The following CDH19 variants were observed in gnomAD, a reference collection of about 807,000 sequenced individuals.
CDH19 encodes cadherin-19.
In CDH19, 67 loss-of-function variants were observed where a neutral mutation model predicts 64.2. That is an observed-to-expected ratio of 1.04 (90% confidence interval 0.86 to 1.28). The LOEUF (loss-of-function observed/expected upper bound fraction) is 1.28. CDH19 is among the 50% of genes most tolerant of loss of function. The probability of loss-of-function intolerance (pLI) is 0.00; values close to 1 mark genes in which losing one functional copy is unlikely to be tolerated. For missense variants in CDH19, 1,030 were observed against 929.0 expected, an observed-to-expected ratio of 1.11 and a Z score of -1.41; for synonymous variants, 346 against 319.3, an observed-to-expected ratio of 1.08 and a Z score of -0.89.
intron 9 of CDH19, among the ~76,000 whole-genome samples, chr18:66,528,848 T>TTGATAA (rs138109388): frequency 0.014 from 2,184 of 152,106 alleles, 48 homozygotes; most frequent in African/African-American, 0.05. Flanking sequence ...ACTAGCTTTG[T>TTGATAA]TGATAAATTC....
chr18:66,529,054 A>G (rs969312393), intron 9 of CDH19, among the ~76,000 whole-genome samples: 9 of 152,058 alleles, frequency 5.9e-5, no homozygotes, highest in African/African-American at 2.2e-4. Flanking sequence ...AGAAGTACAC[A>G]AATAACATTC....
chr18:66,510,683 A>AGATTT (rs1482560991), intron 10 of CDH19, among the ~76,000 whole-genome samples: 1 of 150,628 alleles, frequency 6.6e-6, no homozygotes, highest in East Asian at 1.9e-4. Flanking sequence ...TGTGGAAAGG[A>AGATTT]GTCTGGAGAT....
intron 3 of CDH19, among the ~76,000 whole-genome samples, chr18:66,560,216 T>C (rs2144543499): frequency 6.6e-6 from 1 of 152,224 alleles, no homozygotes; most frequent in Admixed American, 6.5e-5. Flanking sequence ...ACAATAATAT[T>C]TGCCCTGGAG....
At chr18:66,573,440 G>A (rs1410822542) in intron 1 of CDH19, among the ~76,000 whole-genome samples, 1 of 151,536 alleles carries the variant, frequency 6.6e-6, no homozygotes, top group Non-Finnish European at 1.5e-5. Flanking sequence ...CTCCCTTTAA[G>A]CAGATGTATT....
chr18:66,556,186 A>G (rs1444662901), intron 3 of CDH19, among the ~76,000 whole-genome samples: 3 of 151,620 alleles, frequency 2.0e-5, no homozygotes, highest in African/African-American at 7.2e-5. Flanking sequence ...GGTATGCAAC[A>G]TGTTATGCAT....
intron 8 of CDH19, among the ~76,000 whole-genome samples, chr18:66,534,665 A>G (rs1248570048): frequency 6.6e-6 from 1 of 151,910 alleles, no homozygotes; most frequent in Admixed American, 6.6e-5. Flanking sequence ...AATCAGAAAA[A>G]TTTACAACCC....
chr18:66,534,185 T>C (rs1218695225), intron 8 of CDH19, among the ~76,000 whole-genome samples: 2 of 152,046 alleles, frequency 1.3e-5, no homozygotes, highest in African/African-American at 2.4e-5. Context: ...CGAGAAGCCT[T>C]GACATTTCCT....
chr18:66,551,867 G>T (rs1023052695), intron 4 of CDH19, among the ~76,000 whole-genome samples: 2 of 151,796 alleles, frequency 1.3e-5, no homozygotes, highest in Admixed American at 6.6e-5. Context: ...TCACTGAAAA[G>T]AACCTAAGAA....
At chr18:66,602,836 A>G (rs1053953239) in intron 1 of CDH19, among the ~76,000 whole-genome samples, 1 of 151,786 alleles carries the variant, frequency 6.6e-6, no homozygotes, top group Non-Finnish European at 1.5e-5. Flanking sequence ...TAGTTATTTT[A>G]TTTGGTCAAT....
At chr18:66,533,885 G>T (rs533431383) in intron 8 of CDH19, among the ~76,000 whole-genome samples, 2 of 151,982 alleles carry the variant, frequency 1.3e-5, no homozygotes, top group South Asian at 4.2e-4. Context: ...TGTTTATATT[G>T]CTATTGAAGC....
intron 9 of CDH19, among the ~76,000 whole-genome samples, chr18:66,523,478 CACATTCTAACCCACA>C (rs1986080814): frequency 6.6e-6 from 1 of 152,044 alleles, no homozygotes; most frequent in Non-Finnish European, 1.5e-5. Context: ...TGCCTGGGTT[CACATTCTAACCCACA>C]TTCTTCAGGA....
At chr18:66,525,285 A>T (rs916721669) in intron 9 of CDH19, among the ~76,000 whole-genome samples, 1 of 152,146 alleles carries the variant, frequency 6.6e-6, no homozygotes, top group Non-Finnish European at 1.5e-5. Context: ...ATATTGCATT[A>T]AAATAATTAC....
intron 7 of CDH19, among the ~76,000 whole-genome samples, chr18:66,543,056 C>T (rs1568188099): frequency 2.0e-5 from 3 of 152,122 alleles, no homozygotes; most frequent in African/African-American, 7.2e-5. Context: ...GACGGAGTCT[C>T]GCTTTGTCAC....
At chr18:66,525,071 G>T (rs188094998) in intron 9 of CDH19, among the ~76,000 whole-genome samples, 45 of 152,160 alleles carry the variant, frequency 3.0e-4, no homozygotes, top group Non-Finnish European at 5.7e-4. Context: ...TTAACAATTT[G>T]TGTCCTAATG....
At chr18:66,576,146 A>G (rs771551815) in intron 1 of CDH19, among the ~76,000 whole-genome samples, 8 of 151,576 alleles carry the variant, frequency 5.3e-5, no homozygotes, top group Admixed American at 1.3e-4. Context: ...AGCAAAGGAC[A>G]GGTGAAAAAA....
intron 1 of CDH19, among the ~76,000 whole-genome samples, chr18:66,575,512 CA>C (rs1261496002): frequency 6.6e-6 from 1 of 151,916 alleles, no homozygotes; most frequent in East Asian, 1.9e-4. Context: ...TCTGGTGTGA[CA>C]AGGGAATGTT....
intron 11 of CDH19, among the ~76,000 whole-genome samples, chr18:66,508,004 T>A (rs1985285809): frequency 6.6e-6 from 1 of 151,908 alleles, no homozygotes; most frequent in Non-Finnish European, 1.5e-5. Context: ...TAAGTTTCCA[T>A]CAGTGAATTA....
intron 9 of CDH19, among the ~76,000 whole-genome samples, chr18:66,523,346 C>T (rs746622266): frequency 6.6e-6 from 1 of 152,108 alleles, no homozygotes; most frequent in African/African-American, 2.4e-5. Flanking sequence ...GGTATCCTGA[C>T]GCTCTGAGAA....
At chr18:66,567,362 G>C (rs932956056) in intron 3 of CDH19, among the ~76,000 whole-genome samples, 1 of 151,546 alleles carries the variant, frequency 6.6e-6, no homozygotes, top group African/African-American at 2.4e-5. Flanking sequence ...GGTGGAGAAG[G>C]GGGAGGAGGA....
Sources: allele counts gnomAD v4.1 joint callset (sites outside exome capture counted in the v4.1 genomes callset), GRCh38; gene constraint gnomAD v4.1.1; transcripts MANE v1.5; gene names NCBI Gene and HGNC (gene_info 2026-07-23, HGNC 2026-07-21).